The following JAK2 variants were observed in gnomAD, a reference collection of about 807,000 sequenced individuals.
JAK2 encodes the protein tyrosine-protein kinase JAK2.
Under a neutral mutation model 139.3 loss-of-function variants are expected in JAK2, and 86 were observed. That is an observed-to-expected ratio of 0.62 (90% CI 0.52 to 0.74). The LOEUF is 0.74. Among genes scored for constraint, JAK2 ranks in the 30% least tolerant of loss-of-function variants. The pLI, the probability that JAK2 is intolerant of heterozygous loss-of-function variation, is 0.00. For synonymous variants in JAK2, 490 were observed against 437.7 expected (o/e 1.12, Z -1.49); for missense variants, 1,421 against 1,360.3 (o/e 1.04, Z -0.70).
chr9:5,072,309 CTT>C (rs1170751942), intron 12 of JAK2, among the ~76,000 whole-genome samples, 181 bp from the exon 13 acceptor site: 1 of 152,162 alleles, frequency 6.6e-6, no homozygotes, highest in Non-Finnish European at 1.5e-5. Context: ...TTTTCTGTCT[CTT>C]ATTACTATTT....
rs367615214 is a variant in JAK2, at chr9:5,093,738, A to G, written c.3059+2827A>G. Among the ~76,000 whole-genome samples the G allele has an allele frequency of 2.3e-4, 35 of 152,282 alleles. 1 individual carries two copies. The East Asian group carries it at 4.4e-3, about 19-fold the overall frequency. On this transcript the variant is annotated intron_variant, in intron 22 of 24. Coordinates refer to ENST00000381652, the MANE Select transcript of JAK2 (RefSeq NM_004972.4). ...AACAGAACAAGTTACCCTAGGGATA[A>G]CAGTGCAATCCTATTCTATCATATC...
chr9:5,104,486 G>C (rs1204245064), intron 22 of JAK2, among the ~76,000 whole-genome samples: 1 of 152,188 alleles, frequency 6.6e-6, no homozygotes, highest in Non-Finnish European at 1.5e-5. Context: ...GAGGTACAAA[G>C]AGGAGCTGAT....
intron 5 of JAK2, among the ~76,000 whole-genome samples, chr9:5,046,312 C>T (rs1466976951): frequency 6.6e-6 from 1 of 152,058 alleles, no homozygotes; most frequent in Non-Finnish European, 1.5e-5. Context: ...ATCTTAACTC[C>T]TTATAAGATA....
chr9:5,015,984 A>G (rs970863083), intron 2 of JAK2, among the ~76,000 whole-genome samples: 4 of 152,236 alleles, frequency 2.6e-5, no homozygotes, highest in Admixed American at 6.5e-5. Flanking sequence ...GTTAAAGCCT[A>G]TGCTATGCTT....
At position 5,022,021 on chromosome 9, in the gene JAK2, G is replaced by C; in HGVS notation, c.34G>C (p.Glu12Gln). 6.2e-7 allele frequency: 1 copy of C among 1,614,148 alleles called. No homozygotes were observed. Among genetic ancestry groups the C allele is most frequent in the South Asian group, 1.1e-5 (1 of 91,082 alleles). ...GGCCTGCCTTACGATGACAGAAATG[G>C]AGGGAACATCCACCTCTTCTATATA... ...GMACLTMTEM[E>Q]GTSTSSIYQN... Residue 12 changes from glutamate to glutamine, a missense_variant, in exon 3 of 25, where the codon GAG (glutamate) becomes CAG (glutamine). Physicochemically the swap from Glu to Gln is conservative, Grantham distance 29. Coordinates refer to ENST00000381652, the MANE Select transcript of JAK2 (RefSeq NM_004972.4).
chr9:4,995,462 CT>C (rs1241834631), intron 2 of JAK2, among the ~76,000 whole-genome samples: 1 of 152,194 alleles, frequency 6.6e-6, no homozygotes, highest in Non-Finnish European at 1.5e-5. Context: ...TGGGACGCAA[CT>C]TTTTTCCCCT....
chr9:5,066,923 T>C, intron 10 of JAK2, 134 bp downstream of exon 10: 2 of 389,052 alleles, frequency 5.1e-6, no homozygotes. Context: ...TAATGCTTAA[T>C]TTCCTCAGAG....
rs552162949 is a variant in JAK2 at position 5,072,549 on chromosome 9, G to A, written c.1699G>A (p.Val567Ile). ...GATTTTTAAAGGCGTACGAAGAGAAGTAGGAGACTACGGTCAACTGCATGA... is the reference window on the plus strand; with the variant it reads ...GATTTTTAAAGGCGTACGAAGAGAAATAGGAGACTACGGTCAACTGCATGA... ...TKIFKGVRRE[V>I]GDYGQLHETE... is the part of the protein sequence containing the mutation. Residue 567 changes from valine (V) to isoleucine (I), a missense_variant, in exon 13 of 25, where the codon GTA (valine) becomes ATA (isoleucine). By Grantham distance (29) the Val-to-Ile change is conservative (BLOSUM62 3). Coordinates refer to ENST00000381652, the MANE Select transcript of JAK2 (RefSeq NM_004972.4). The A allele has an allele frequency of 1.2e-6, 2 of 1,610,474 alleles. No homozygotes were observed. The highest frequency in any genetic ancestry group is 1.7e-5 in the Admixed American group (1 of 59,862).
intron 2 of JAK2, among the ~76,000 whole-genome samples, chr9:5,012,050 A>G (rs1347222646): frequency 6.6e-6 from 1 of 152,252 alleles, no homozygotes; most frequent in East Asian, 1.9e-4. Context: ...TTTTCATCCT[A>G]TGGATGGGAA....
chr9:5,084,744 A>C (rs1215056985), intron 19 of JAK2, among the ~76,000 whole-genome samples: 3 of 152,212 alleles, frequency 2.0e-5, no homozygotes, highest in Non-Finnish European at 4.4e-5. Flanking sequence ...TTAACAGTGT[A>C]AACAGTACCA....
chr9:5,118,630 A>G (rs1156943220), intron 22 of JAK2, among the ~76,000 whole-genome samples: 1 of 152,216 alleles, frequency 6.6e-6, no homozygotes, highest in Non-Finnish European at 1.5e-5. Flanking sequence ...TTAAGCATAA[A>G]TTCTGTGTTC....
chr9:5,072,386 C>A, intron 12 of JAK2, 106 bp from the exon 13 acceptor site: 1 of 737,686 alleles, frequency 1.4e-6, no homozygotes, highest in Non-Finnish European at 2.0e-6. Context: ...AAGGAAAATA[C>A]TTGCTTATGG....
chr9:5,094,777 C>T (rs1820855648), intron 22 of JAK2: 1 of 152,030 alleles, frequency 6.6e-6, no homozygotes, highest in Non-Finnish European at 1.5e-5. Flanking sequence ...GTATAAATGC[C>T]CTGACTACTA....
In JAK2 at chr9:5,069,922, C is replaced by A; in HGVS notation, c.1514-3C>A. The A allele has an allele frequency of 6.3e-7, 1 of 1,577,158 alleles. No individual in the cohort carries two copies. The highest frequency in any genetic ancestry group is 1.2e-5 in the South Asian group (1 of 86,268). ...GTGATATATATGTATTTTATTTTTT[C>A]AGATAAATCAAACCTTCTAGTCTTC... On this transcript the variant is annotated splice_polypyrimidine_tract_variant and splice_region_variant and intron_variant, in intron 11 of 24. Coordinates refer to ENST00000381652, the MANE Select transcript of JAK2 (RefSeq NM_004972.4).
rs545665973 is a variant in JAK2, at chr9:5,085,339, C to T, written c.2571+3478C>T. The T allele has an allele frequency of 3.4e-6, 3 of 875,078 alleles. No individual in the cohort carries two copies. In the Admixed American group the frequency reaches 5.2e-5, roughly 15 times the overall value. The allele number at this position is 875,078 out of a possible 1,614,324, so 54.2% of individuals were successfully genotyped here. ...ATCATCTATTAGCTGAAAAGCTATT[C>T]CTACATTTTTTCCGTACTGATAGGT... On this transcript the variant is annotated intron_variant, in intron 19 of 24. Coordinates refer to ENST00000381652, the MANE Select transcript of JAK2 (RefSeq NM_004972.4).
chr9:5,113,296 T>C lies in JAK2; in HGVS notation c.3060-9708T>C, dbSNP rs532157526. On this transcript the variant is annotated intron_variant, in intron 22 of 24. Transcript: ENST00000381652. ...AGAAAAAAATGCCTTAACTATAAAA[T>C]GTGGAGAAATCGTAACATATCACTT... 1.7e-3 allele frequency among the ~76,000 whole-genome samples: 247 copies of C among 143,818 alleles called. 1 individual carries two copies. Among genetic ancestry groups the C allele is most frequent in the Middle Eastern group, 4.1e-3 (1 of 246 alleles). The allele number at this position is 143,818 out of a possible 152,430, so 94.4% of individuals were successfully genotyped here.
intron 6 of JAK2, among the ~76,000 whole-genome samples, chr9:5,052,764 C>T (rs1273489994): frequency 6.6e-6 from 1 of 151,896 alleles, no homozygotes; most frequent in Non-Finnish European, 1.5e-5. Flanking sequence ...TTTTTTTTGT[C>T]TGGCTTCTTT....
intron 4 of JAK2, among the ~76,000 whole-genome samples, chr9:5,036,413 T>C (rs886920146): frequency 6.6e-6 from 1 of 152,086 alleles, no homozygotes; most frequent in African/African-American, 2.4e-5. Context: ...GAGCCCACAT[T>C]GCCAAGTCAA....
intron 22 of JAK2, chr9:5,111,744 A>T (rs903055515): frequency 2.3e-6 from 1 of 428,076 alleles, no homozygotes; most frequent in Non-Finnish European, 4.6e-6. Flanking sequence ...TACCGGCTGC[A>T]CGGAGGAGAA....
Sources: gnomAD v4.1 joint callset for allele counts (sites outside exome capture counted in the v4.1 genomes callset) on GRCh38, gnomAD v4.1.1 for gene constraint, MANE v1.5 for transcripts, NCBI Gene and HGNC (gene_info 2026-07-23, HGNC 2026-07-21) for gene names.